Variants in MAPK6 observed in about 807,000 individuals in gnomAD.
MAPK6 encodes the protein ERK-3.
In MAPK6, 19 loss-of-function variants were observed where a neutral mutation model predicts 59.3. The ratio of observed to expected loss-of-function variants is 0.32; its 90% CI spans 0.22 to 0.47. The LOEUF (loss-of-function observed/expected upper bound fraction) is 0.47. Ranked by LOEUF, MAPK6 falls within the 20% of genes least tolerant of loss-of-function variation. The pLI is 1.00. For synonymous variants in MAPK6, 316 were observed against 290.3 expected (o/e 1.09, Z -0.90); for missense variants, 724 against 847.9 (o/e 0.85, Z 1.81).
intron 1 of MAPK6, among the ~76,000 whole-genome samples, chr15:51,974,014 A>G (rs1329826670): frequency 6.6e-6 from 1 of 151,904 alleles, no homozygotes; most frequent in African/African-American, 2.4e-5. Flanking sequence ...TTCATAAAGG[A>G]TATAATACAT....
chr15:51,985,174 T>C (rs1320896992), intron 2 of MAPK6, among the ~76,000 whole-genome samples: 1 of 151,738 alleles, frequency 6.6e-6, no homozygotes, highest in Non-Finnish European at 1.5e-5. Flanking sequence ...AGACCCAATC[T>C]CTATATAAAA....
intron 2 of MAPK6, among the ~76,000 whole-genome samples, chr15:51,984,650 A>G (rs2057185139): frequency 6.6e-6 from 1 of 151,888 alleles, no homozygotes; most frequent in Non-Finnish European, 1.5e-5. Flanking sequence ...GGATGTGTAC[A>G]GTGATGCGCT....
chr15:52,006,547 C>T (rs1367620225), intron 3 of MAPK6, among the ~76,000 whole-genome samples: 1 of 152,210 alleles, frequency 6.6e-6, no homozygotes, highest in Admixed American at 6.5e-5. Flanking sequence ...AGTTCACAAT[C>T]ATTGTGTGAG....
At chr15:52,001,784 TA>T in intron 2 of MAPK6, among the ~76,000 whole-genome samples, 1 of 152,124 alleles carries the variant, frequency 6.6e-6, no homozygotes, top group Middle Eastern at 3.2e-3. Context: ...GGTGGGATTA[TA>T]GGCGTGATCC....
At chr15:52,055,956 A>G (rs1397825525) in intron 3 of MAPK6, among the ~76,000 whole-genome samples, 2 of 152,236 alleles carry the variant, frequency 1.3e-5, no homozygotes, top group African/African-American at 4.8e-5. Context: ...TTGCAATGAA[A>G]TGATTGGAAA....
chr15:52,026,376 C>G (rs1178206904), intron 1 of MAPK6, among the ~76,000 whole-genome samples: 1 of 152,184 alleles, frequency 6.6e-6, no homozygotes, highest in East Asian at 1.9e-4. Flanking sequence ...ACTGCAGCCT[C>G]CGCCTCCTGG....
At chr15:52,049,236 G>A (rs2031698728) in intron 2 of MAPK6, among the ~76,000 whole-genome samples, 1 of 152,062 alleles carries the variant, frequency 6.6e-6, no homozygotes, top group African/African-American at 2.4e-5. Context: ...CACCTCTGGT[G>A]CTCTTCCCTA....
At chr15:51,986,997 A>T (rs745741418) in intron 2 of MAPK6, among the ~76,000 whole-genome samples, 4 of 152,148 alleles carry the variant, frequency 2.6e-5, no homozygotes, top group Non-Finnish European at 5.9e-5. Context: ...AAAGTCTTTA[A>T]TGGCAGTTTG....
At chr15:52,011,786 T>G (rs527467975) in intron 3 of MAPK6, among the ~76,000 whole-genome samples, 4 of 152,356 alleles carry the variant, frequency 2.6e-5, no homozygotes, top group African/African-American at 9.6e-5. Context: ...AATGAATTTC[T>G]TCAGTGGAAG....
In MAPK6 at chr15:51,981,275, C is replaced by T. The variant is rs1000883925; in HGVS notation, c.-879-1931C>T. Among the ~76,000 whole-genome samples the T allele has an allele frequency of 2.6e-5, 4 of 151,682 alleles. No individual in the cohort carries two copies. The East Asian group carries it at 7.8e-4, about 29-fold the overall frequency. On this transcript the variant is annotated intron_variant, in intron 1 of 7. Coordinates refer to the MAPK6 transcript ENST00000691380. ...GAACATGAGGTCAGGAGATCAAGAC[C>T]ATCCTGGCTAACACGGTGAAACCCC... is the stretch of plus-strand genomic sequence containing the variant.
chr15:52,022,449 A>G (rs541693948), intron 1 of MAPK6, among the ~76,000 whole-genome samples: 17 of 152,090 alleles, frequency 1.1e-4, no homozygotes, highest in South Asian at 2.1e-4. Flanking sequence ...TTTTGTAGAG[A>G]TGAATGTTCA....
At chr15:52,019,676 C>T (rs1316574769) in intron 1 of MAPK6, among the ~76,000 whole-genome samples, 4 of 148,120 alleles carry the variant, frequency 2.7e-5, no homozygotes, top group Middle Eastern at 3.4e-3. Context: ...GCCCCTCCCA[C>T]CCGGCACGCC....
chr15:51,971,950 A>C (rs1252496870), intron 1 of MAPK6: 2 of 527,816 alleles, frequency 3.8e-6, no homozygotes, highest in Non-Finnish European at 6.9e-6. Context: ...AATATCTGTT[A>C]TTTGCCAGGA....
At chr15:52,058,969 A>C (rs1307274424) in intron 4 of MAPK6, among the ~76,000 whole-genome samples, 172 bp downstream of exon 4, 1 of 152,134 alleles carries the variant, frequency 6.6e-6, no homozygotes, top group Non-Finnish European at 1.5e-5. Context: ...TTGTCCTGTT[A>C]CTTGGGCTAC....
intron 2 of MAPK6, among the ~76,000 whole-genome samples, chr15:51,996,184 A>G (rs1009293575): frequency 6.6e-6 from 1 of 152,184 alleles, no homozygotes; most frequent in African/African-American, 2.4e-5. Context: ...CAGAGCACTG[A>G]AACATTTTTC....
At chr15:52,024,763 T>C (rs1026596219) in intron 1 of MAPK6, 8 of 151,958 alleles carry the variant, frequency 5.3e-5, no homozygotes, top group African/African-American at 1.9e-4. Context: ...TGTTGCCCAG[T>C]TTGGATTGGA....
Position 52,058,698 on chromosome 15 carries a change from C to A in MAPK6, c.766C>A (p.Arg256Ser). Residue 256 changes from arginine (R) to serine (S), a missense_variant, in exon 4 of 6, where the codon CGT (arginine) becomes AGT (serine). Arg to Ser is a moderately radical substitution (Grantham distance 110). This residue lies in a region of MAPK6 where 105 missense variants were observed against 191.9 expected (regional missense o/e 0.55). Transcript: ENST00000261845. ...TATTCCTGTTGTACATGAGGAAGAT[C>A]GTCAGGAGCTTCTCAGCGTAATTCC... ...ESIPVVHEED[R>S]QELLSVIPVY... 1 of 1,613,290 alleles carries A rather than the reference C, an allele frequency of 6.2e-7. No homozygotes were observed. Among genetic ancestry groups the A allele is most frequent in the African/African-American group, 1.3e-5 (1 of 75,002 alleles).
At chr15:52,041,415 C>T (rs867682598) in intron 1 of MAPK6, among the ~76,000 whole-genome samples, 1 of 152,150 alleles carries the variant, frequency 6.6e-6, no homozygotes, top group Non-Finnish European at 1.5e-5. Context: ...AGGCTGGTCT[C>T]GAACTCTGGA....
chr15:52,018,225 C>T (rs560019709), upstream of MAPK6, among the ~76,000 whole-genome samples: 30 of 151,862 alleles, frequency 2.0e-4, no homozygotes, highest in Admixed American at 1.9e-3. Flanking sequence ...ACGGGGCTTT[C>T]ACCATGTTGG....
Sources: allele counts gnomAD v4.1 joint callset (sites outside exome capture counted in the v4.1 genomes callset), GRCh38; gene constraint gnomAD v4.1.1; regional missense constraint gnomAD v4.1.1; transcripts MANE v1.5; gene names NCBI Gene and HGNC (gene_info 2026-07-23, HGNC 2026-07-21).